MCF2L: variants seen among roughly 807,000 people sequenced by gnomAD.
MCF2L encodes MCF.2 cell line derived transforming sequence like, also known as guanine nucleotide exchange factor DBS.
MCF2L carries 97 observed loss-of-function variants against 153.4 expected under a neutral mutation model. That is an observed-to-expected ratio of 0.63 (90% CI 0.54 to 0.75). MCF2L has a LOEUF of 0.75. Among genes scored for constraint, MCF2L ranks in the 30% least tolerant of loss-of-function variants. The probability of loss-of-function intolerance (pLI) is 0.00; values close to 1 mark genes in which losing one functional copy is unlikely to be tolerated. For synonymous variants in MCF2L, 659 were observed against 632.2 expected (o/e 1.04, Z -0.64); for missense variants, 1,347 against 1,495.2 (o/e 0.90, Z 1.64).
At chr13:113,092,008 G>A (rs561273385) in intron 26 of MCF2L, among the ~76,000 whole-genome samples, 25 of 152,346 alleles carry the variant, frequency 1.6e-4, no homozygotes, top group African/African-American at 3.8e-4. Flanking sequence ...AGCTGGCCCG[G>A]CGTTACTGAC....
At chr13:113,016,114 C>T (rs999904265) in intron 2 of MCF2L, among the ~76,000 whole-genome samples, 17 of 152,320 alleles carry the variant, frequency 1.1e-4, no homozygotes, top group East Asian at 9.6e-4. Flanking sequence ...CACCTTTTCT[C>T]GATCGTTCCT....
Position 113,088,409 on chromosome 13 carries a change from AGGC to A in MCF2L, c.2767+5_2767+7del. The A allele has an allele frequency of 6.2e-7, 1 of 1,613,824 alleles. No individual in the cohort carries two copies. Among genetic ancestry groups the A allele is most frequent in the South Asian group, 1.1e-5 (1 of 91,076 alleles). ...AGCCAGCTGCAGGCTTGTAGAGGTG[AGGC>A]TGTCTTCAAGCGATCGTTTCCCGTA... On this transcript the variant is annotated splice_donor_5th_base_variant and intron_variant, in intron 24 of 29. Coordinates refer to ENST00000535094, the MANE Select transcript of MCF2L (RefSeq NM_001112732.3).
At chr13:112,985,371 C>A (rs1414063782) in intron 1 of MCF2L, 3 of 470,348 alleles carry the variant, frequency 6.4e-6, no homozygotes, top group African/African-American at 2.0e-5. Context: ...TCCCCGGCAG[C>A]TGATCCTCGC....
In MCF2L at chr13:113,064,482, CTCTTGCATTACAACACGGCCCTT is replaced by C; in HGVS notation, c.606+65_606+87del. ...CAGCTCGAGTACTTCCACAGAATCG[CTCTTGCATTACAACACGGCCCTT>C]TCCAAAAACACATTCACATTAACAG... On this transcript the variant is annotated intron_variant, in intron 6 of 29. Coordinates refer to ENST00000535094, the MANE Select transcript of MCF2L (RefSeq NM_001112732.3). The surrounding 1 kb of genome is among the most constrained non-coding windows in gnomAD (Gnocchi z 6.0). 1 of 1,050,604 alleles carries C rather than the reference CTCTTGCATTACAACACGGCCCTT, an allele frequency of 9.5e-7. No individual in the cohort carries two copies. The highest frequency in any genetic ancestry group is 2.1e-4 in the Middle Eastern group (1 of 4,734). 65.1% of individuals were successfully genotyped at this position (1,050,604 alleles called of 1,614,324 possible).
chr13:112,979,673 C>G, intron 1 of MCF2L: 1 of 1,612,954 alleles, frequency 6.2e-7, no homozygotes. Flanking sequence ...GTTCGATGGC[C>G]GAGAAGGGAG....
At chr13:112,968,160 T>C (rs113013025), upstream of MCF2L, among the ~76,000 whole-genome samples, 11 of 141,020 alleles carry the variant, frequency 7.8e-5, no homozygotes, top group Non-Finnish European at 1.5e-4. Flanking sequence ...GGGGTCTTGC[T>C]ACATTGCCCA....
chr13:112,993,672 G>A lies in MCF2L; in HGVS notation c.80-21091G>A, dbSNP rs765427672. Reference sequence around the variant, plus strand: ...ATCGTCAATGGCCCCACGATGTCAGGCTTGGAATTTGGGGTGGACGGTGGT... The same window carrying A: ...ATCGTCAATGGCCCCACGATGTCAGACTTGGAATTTGGGGTGGACGGTGGT... On this transcript the variant is annotated intron_variant, in intron 1 of 29. Transcript: ENST00000535094. The surrounding 1 kb of genome is among the most constrained non-coding windows in gnomAD (Gnocchi z 4.6). Among the ~76,000 whole-genome samples the A allele has an allele frequency of 6.6e-6, 1 of 152,090 alleles. No individual in the cohort carries two copies. The highest frequency in any genetic ancestry group is 1.5e-5 in the Non-Finnish European group (1 of 68,020).
At chr13:113,095,950 G>T (rs2035610493) in intron 27 of MCF2L, 2 of 494,200 alleles carry the variant, frequency 4.0e-6, no homozygotes, top group African/African-American at 2.1e-5. Context: ...TGAGGCTTGG[G>T]GAGGTTGGGC....
chr13:113,094,970 T>A, intron 27 of MCF2L: 1 of 1,382,296 alleles, frequency 7.2e-7, no homozygotes, highest in Non-Finnish European at 9.7e-7. Context: ...AATTTCCAGG[T>A]GCCCACCCAG....
chr13:113,047,404 A>T (rs2086883090), intron 4 of MCF2L: 1 of 152,164 alleles, frequency 6.6e-6, no homozygotes, highest in Non-Finnish European at 1.5e-5. Flanking sequence ...GTCATAGGCA[A>T]CTCTAAAAAT....
chr13:113,089,582 T>C (rs1369876818), intron 25 of MCF2L, 28 bp from the exon 26 acceptor site: 6 of 1,496,048 alleles, frequency 4.0e-6, no homozygotes, highest in Middle Eastern at 1.7e-4. Context: ...ACACACTATT[T>C]CCTTTTTGAT....
rs958242934 is a variant in MCF2L, at chr13:112,932,153, G to T, written c.169+29782G>T. Among the ~76,000 whole-genome samples, 1 of 152,162 alleles carries T rather than the reference G, an allele frequency of 6.6e-6. No individual in the cohort carries two copies. The highest frequency in any genetic ancestry group is 1.5e-5 in the Non-Finnish European group (1 of 68,038). Reference sequence around the variant, plus strand: ...GAGAAAGAGTAACTTCCCAGCAGAGGACCTGACGACCTGAGCCAGGCAATC... The same window carrying T: ...GAGAAAGAGTAACTTCCCAGCAGAGTACCTGACGACCTGAGCCAGGCAATC... On this transcript the variant is annotated intron_variant, in intron 2 of 29. Coordinates refer to the MCF2L transcript ENST00000375608. The surrounding 1 kb of genome is among the most constrained non-coding windows in gnomAD (Gnocchi z 4.6).
intron 9 of MCF2L, among the ~76,000 whole-genome samples, chr13:113,071,839 G>C (rs2032954331): frequency 6.6e-6 from 1 of 152,176 alleles, no homozygotes; most frequent in Non-Finnish European, 1.5e-5. Flanking sequence ...AATTGTGTTA[G>C]CTTCTAGTTC....
intron 1 of MCF2L, among the ~76,000 whole-genome samples, chr13:112,987,420 T>C (rs1566693770): frequency 6.6e-6 from 1 of 152,192 alleles, no homozygotes. Context: ...CACTCACTGC[T>C]CACACTCCCT....
At chr13:112,967,633 C>T (rs2081911142), upstream of MCF2L, 1 of 152,374 alleles carries the variant, frequency 6.6e-6, no homozygotes, top group Non-Finnish European at 1.5e-5. Flanking sequence ...TCACCTTCAT[C>T]TTTTTATCCC....
intron 1 of MCF2L, chr13:112,894,515 C>G (rs1005362000): frequency 6.6e-6 from 1 of 151,830 alleles, no homozygotes; most frequent in Non-Finnish European, 1.5e-5. Context: ...GCGTCGCGGT[C>G]GCTCCCGGAG....
At chr13:112,901,920 G>A (rs2081123280) in intron 1 of MCF2L, among the ~76,000 whole-genome samples, 1 of 152,220 alleles carries the variant, frequency 6.6e-6, no homozygotes, top group African/African-American at 2.4e-5. Flanking sequence ...GGTTGTTGTT[G>A]TTTTTCTTTT....
chr13:113,085,988 C>T (rs2034603632), intron 20 of MCF2L, 136 bp from the exon 21 acceptor site: 1 of 882,378 alleles, frequency 1.1e-6, no homozygotes, highest in South Asian at 2.0e-5. Flanking sequence ...TGCAGGAGGG[C>T]AGGCAGGGCA....
rs758474203 is a variant in MCF2L, at chr13:113,096,808, G to A, written c.3327G>A (p.Ser1109=). Residue 1109 remains serine (S), a synonymous_variant, in exon 30 of 30, where the codon TCG becomes TCA. Coordinates refer to ENST00000535094, the MANE Select transcript of MCF2L (RefSeq NM_001112732.3). ...CGGGGTCGGCCGTGCTGAGCAACTC[G>A]TCCAGCTGCAGCGAGGGCGGCCAGG... is the stretch of plus-strand genomic sequence containing the variant. ...SSPGSAVLSN[S]SSCSEGGQAP... is the part of the protein sequence containing the mutation. The A allele has an allele frequency of 1.3e-6, 2 of 1,549,990 alleles. No individual in the cohort carries two copies. The highest frequency in any genetic ancestry group is 2.3e-5 in the South Asian group (2 of 85,378).
Sources: allele counts gnomAD v4.1 joint callset (sites outside exome capture counted in the v4.1 genomes callset), GRCh38; gene constraint gnomAD v4.1.1; non-coding constraint Gnocchi (gnomAD v3.1); transcripts MANE v1.5; gene names NCBI Gene and HGNC (gene_info 2026-07-23, HGNC 2026-07-21).